EXOC2: variants seen among roughly 807,000 people sequenced by gnomAD.
EXOC2 encodes the protein exocyst complex component 2.
Under a neutral mutation model 131.8 loss-of-function variants are expected in EXOC2, and 70 were observed. That is an observed-to-expected ratio of 0.53 (90% CI 0.44 to 0.65). The LOEUF (loss-of-function observed/expected upper bound fraction) is 0.65. Ranked by LOEUF, EXOC2 falls within the 30% of genes least tolerant of loss-of-function variation. The pLI, the probability that EXOC2 is intolerant of heterozygous loss-of-function variation, is 0.00. For missense variants in EXOC2, 923 were observed against 1,108.6 expected, an observed-to-expected ratio of 0.83 and a Z score of 2.38; for synonymous variants, 411 against 398.4, an observed-to-expected ratio of 1.03 and a Z score of -0.38.
chr6:671,352 AACAAAAAAAAAC>A (rs1763857783), intron 1 of EXOC2, among the ~76,000 whole-genome samples: 1 of 33,826 alleles, frequency 3.0e-5, no homozygotes, highest in African/African-American at 6.4e-5. Flanking sequence ...CAACAACAAC[AACAAAAAAAAAC>A]AAAAAAAGAA....
At chr6:575,589 C>G (rs1377360582) in intron 12 of EXOC2, among the ~76,000 whole-genome samples, 1 of 152,204 alleles carries the variant, frequency 6.6e-6, no homozygotes, top group Non-Finnish European at 1.5e-5. Flanking sequence ...TGGAAGCTTC[C>G]TGAGGCCTCC....
chr6:596,644 G>A (rs193201616), intron 10 of EXOC2, among the ~76,000 whole-genome samples: 44 of 152,256 alleles, frequency 2.9e-4, no homozygotes, highest in African/African-American at 1.1e-3. Context: ...TGGGATCACA[G>A]GTCTGGGCCA....
rs1218624667 is a variant in EXOC2, at chr6:658,644, T to A, written c.-43-20783A>T. Among the ~76,000 whole-genome samples, 8 of 88,966 alleles carry A rather than the reference T, an allele frequency of 9.0e-5. No individual in the cohort carries two copies. In the East Asian group the frequency reaches 1.0e-3, roughly 11 times the overall value. 58.4% of individuals were successfully genotyped at this position (88,966 alleles called of 152,430 possible). A position where few individuals can be genotyped will look rare whatever the true frequency, so the allele number is the denominator to read the frequency against. On this transcript the variant is annotated intron_variant, in intron 1 of 27. Coordinates refer to ENST00000230449, the MANE Select transcript of EXOC2 (RefSeq NM_018303.6). ...GGATATTTAAAATATATATATATATTTTATATATATATATATATATATTTT... is the reference window on the plus strand; with the variant it reads ...GGATATTTAAAATATATATATATATATTATATATATATATATATATATTTT...
At chr6:501,933 C>A (rs559529145) in intron 23 of EXOC2, among the ~76,000 whole-genome samples, 5 of 151,946 alleles carry the variant, frequency 3.3e-5, no homozygotes, top group African/African-American at 1.2e-4. Flanking sequence ...GTGAAATAAA[C>A]GAACTCGTCT....
At chr6:582,617 C>T (rs932180413) in intron 11 of EXOC2, among the ~76,000 whole-genome samples, 5 of 149,258 alleles carry the variant, frequency 3.3e-5, no homozygotes, top group African/African-American at 4.9e-5. Flanking sequence ...AATTTCAATG[C>T]CAAAGCTGGG....
intron 22 of EXOC2, among the ~76,000 whole-genome samples, chr6:542,367 T>C (rs1756605743): frequency 6.6e-6 from 1 of 152,246 alleles, no homozygotes; most frequent in Admixed American, 6.5e-5. Flanking sequence ...TGTGACATGC[T>C]GTTCTAGTGC....
intron 1 of EXOC2, among the ~76,000 whole-genome samples, chr6:684,580 A>G (rs1764558539): frequency 6.6e-6 from 1 of 152,206 alleles, no homozygotes; most frequent in South Asian, 2.1e-4. Context: ...TTTTCCTTTA[A>G]TGAAGCATAC....
At chr6:609,869 A>G (rs1427909399) in intron 7 of EXOC2, among the ~76,000 whole-genome samples, 1 of 152,202 alleles carries the variant, frequency 6.6e-6, no homozygotes, top group Admixed American at 6.5e-5. Context: ...CTTAAGAAGT[A>G]TATTGGATTG....
chr6:503,606 T>C (rs1379639897), intron 23 of EXOC2, among the ~76,000 whole-genome samples: 2 of 152,248 alleles, frequency 1.3e-5, no homozygotes, highest in African/African-American at 2.4e-5. Flanking sequence ...AAAAAATTTA[T>C]ACTTCAATTT....
intron 1 of EXOC2, among the ~76,000 whole-genome samples, chr6:692,162 A>G (rs1581699463): frequency 6.6e-6 from 1 of 152,268 alleles, no homozygotes; most frequent in African/African-American, 2.4e-5. Flanking sequence ...CTTAGAAAAA[A>G]TATTTTTTAA....
chr6:603,151 G>A (rs1169746011), intron 7 of EXOC2, among the ~76,000 whole-genome samples: 2 of 152,140 alleles, frequency 1.3e-5, no homozygotes, highest in African/African-American at 2.4e-5. Context: ...AGAGGTCAGA[G>A]GCAGGACAGA....
intron 1 of EXOC2, among the ~76,000 whole-genome samples, chr6:680,240 T>C (rs1391197664): frequency 2.6e-5 from 4 of 152,194 alleles, no homozygotes; most frequent in East Asian, 3.8e-4. Flanking sequence ...ACAAATGACA[T>C]TGCACCCAGC....
At chr6:491,100 T>C (rs1175763729) in intron 26 of EXOC2, 25 bp downstream of exon 26, 1 of 1,612,462 alleles carries the variant, frequency 6.2e-7, no homozygotes, top group Non-Finnish European at 8.5e-7. Context: ...AATAGAGCAC[T>C]CAACTAAAGA....
intron 11 of EXOC2, among the ~76,000 whole-genome samples, chr6:577,088 G>A (rs1581476685): frequency 6.6e-6 from 1 of 152,156 alleles, no homozygotes; most frequent in African/African-American, 2.4e-5. Context: ...GTGGTGGTGG[G>A]AGGATAATGC....
chr6:616,318 C>T (rs1760996199), intron 6 of EXOC2, among the ~76,000 whole-genome samples: 1 of 152,158 alleles, frequency 6.6e-6, no homozygotes, highest in East Asian at 1.9e-4. Context: ...AAAAACCTAA[C>T]TTCTGCCGGG....
intron 11 of EXOC2, among the ~76,000 whole-genome samples, chr6:585,960 T>C (rs1186550324): frequency 2.6e-5 from 4 of 152,252 alleles, no homozygotes; most frequent in African/African-American, 9.6e-5. Context: ...GTTTTCTTTA[T>C]ATTGGAATGT....
At position 533,056 on chromosome 6, in the gene EXOC2, A is replaced by C. The variant is rs1446336012; in HGVS notation, c.2239-446T>G. Among the ~76,000 whole-genome samples, 7 of 152,252 alleles carry C rather than the reference A, an allele frequency of 4.6e-5. No individual in the cohort carries two copies. In the East Asian group the frequency reaches 1.4e-3, roughly 29 times the overall value. On this transcript the variant is annotated intron_variant, in intron 22 of 27. Coordinates refer to ENST00000230449, the MANE Select transcript of EXOC2 (RefSeq NM_018303.6). ...GGAAGGGGAAGAGAGCCCCTTATAA[A>C]ACCATTAGATCCCATTAGAACTTAC...
chr6:657,607 T>C (rs1763194211), intron 1 of EXOC2, among the ~76,000 whole-genome samples: 1 of 152,218 alleles, frequency 6.6e-6, no homozygotes, highest in Non-Finnish European at 1.5e-5. Flanking sequence ...AACTATTTCC[T>C]TGCATTAAAT....
chr6:496,569 G>A lies in EXOC2; in HGVS notation c.2559+798C>T, dbSNP rs115391011. Reference sequence around the variant, plus strand: ...GCCTGTTTTTCAAGCCAGAAAGCACGTTTTGTCTTGGAGTTTTAGGCACTC... The same window carrying A: ...GCCTGTTTTTCAAGCCAGAAAGCACATTTTGTCTTGGAGTTTTAGGCACTC... On this transcript the variant is annotated intron_variant, in intron 25 of 27. Coordinates refer to ENST00000230449, the MANE Select transcript of EXOC2 (RefSeq NM_018303.6). Among the ~76,000 whole-genome samples, 156 of 152,204 alleles carry A rather than the reference G, an allele frequency of 1.0e-3. 1 individual carries two copies. The highest frequency in any genetic ancestry group is 1.1e-3 in the Non-Finnish European group (74 of 68,014).
Sources: gnomAD v4.1 joint callset for allele counts (sites outside exome capture counted in the v4.1 genomes callset) on GRCh38, gnomAD v4.1.1 for gene constraint, MANE v1.5 for transcripts, NCBI Gene and HGNC (gene_info 2026-07-23, HGNC 2026-07-21) for gene names.